Variants in ROBO1 observed in about 807,000 individuals in gnomAD.
ROBO1 encodes roundabout guidance receptor 1.
A neutral mutation model predicts 195.9 loss-of-function variants in ROBO1; 149 were observed. That is an observed-to-expected ratio of 0.76 (90% CI 0.67 to 0.87). The LOEUF is 0.87. Among genes scored for constraint, ROBO1 ranks in the 40% least tolerant of loss-of-function variants. The pLI is 0.00. For synonymous variants in ROBO1, 816 were observed against 733.2 expected (o/e 1.11, Z -1.82); for missense variants, 1,933 against 2,068.3 (o/e 0.93, Z 1.27).
intron 5 of ROBO1, among the ~76,000 whole-genome samples, chr3:78,727,266 T>C (rs1360709273): frequency 1.3e-5 from 2 of 151,932 alleles, no homozygotes; most frequent in Non-Finnish European, 2.9e-5. Context: ...GAAAATACAG[T>C]ATTTCTTATT....
chr3:79,185,469 C>G (rs2081420724), intron 2 of ROBO1, among the ~76,000 whole-genome samples: 1 of 152,092 alleles, frequency 6.6e-6, no homozygotes, highest in African/African-American at 2.4e-5. Flanking sequence ...ATGATTCTTA[C>G]CATCTTTAAT....
intron 2 of ROBO1, among the ~76,000 whole-genome samples, chr3:79,580,564 A>G (rs1334794694): frequency 2.0e-5 from 3 of 152,110 alleles, no homozygotes; most frequent in African/African-American, 7.2e-5. Flanking sequence ...CTTTTAAGAG[A>G]ATAAAAGTTT....
intron 2 of ROBO1, among the ~76,000 whole-genome samples, chr3:79,585,589 T>G (rs943447656): frequency 1.3e-5 from 2 of 151,984 alleles, no homozygotes; most frequent in African/African-American, 4.8e-5. Flanking sequence ...TATCTCCAAA[T>G]AACTTTTTCC....
intron 3 of ROBO1, among the ~76,000 whole-genome samples, chr3:78,947,163 C>A (rs1396495370): frequency 1.3e-5 from 2 of 152,146 alleles, no homozygotes; most frequent in Non-Finnish European, 2.9e-5. Flanking sequence ...CAGCTCTGCA[C>A]CAAGCGGACC....
intron 4 of ROBO1, among the ~76,000 whole-genome samples, chr3:78,908,111 C>T (rs1006231736): frequency 6.6e-6 from 1 of 150,892 alleles, no homozygotes; most frequent in African/African-American, 2.4e-5. Flanking sequence ...AACTGGCCTG[C>T]ATCAACTAAA....
At chr3:79,317,385 T>C (rs1390328437) in intron 2 of ROBO1, among the ~76,000 whole-genome samples, 1 of 151,156 alleles carries the variant, frequency 6.6e-6, no homozygotes, top group Non-Finnish European at 1.5e-5. Flanking sequence ...TGTAGTAATC[T>C]CTTTGCTCAC....
intron 2 of ROBO1, among the ~76,000 whole-genome samples, chr3:79,547,489 T>C (rs895168908): frequency 1.3e-5 from 2 of 152,296 alleles, no homozygotes; most frequent in South Asian, 4.1e-4. Flanking sequence ...CTTCTAGATG[T>C]TGAAAATAAG....
chr3:78,666,169 A>G (rs185927940), intron 14 of ROBO1, among the ~76,000 whole-genome samples: 10 of 151,938 alleles, frequency 6.6e-5, no homozygotes, highest in Admixed American at 2.0e-4. Context: ...CATGATTGTA[A>G]GTTTTCTGAG....
At chr3:78,949,719 C>A (rs557424564) in intron 3 of ROBO1, among the ~76,000 whole-genome samples, 2,766 of 152,144 alleles carry the variant, frequency 0.018, 95 homozygotes, top group African/African-American at 0.063. Context: ...TCAGAGTGAA[C>A]AGGCAACCTA....
chr3:78,832,640 G>A (rs191113130), intron 4 of ROBO1, among the ~76,000 whole-genome samples: 1 of 152,304 alleles, frequency 6.6e-6, no homozygotes, highest in East Asian at 1.9e-4. Flanking sequence ...ACACAAAACT[G>A]AGTAGTAGGT....
In ROBO1 at chr3:78,959,917, T is replaced by C. The variant is rs148232239; in HGVS notation, c.173-20990A>G. Among the ~76,000 whole-genome samples, 424 of 152,298 alleles carry C rather than the reference T, an allele frequency of 2.8e-3. 5 individuals carry two copies. The highest frequency in any genetic ancestry group is 9.4e-3 in the African/African-American group (389 of 41,562). ...GTTGAAAAGGTACAACCAAGGATTA[T>C]TAGTCAAAAGTATATGCTTTTGGGG... On this transcript the variant is annotated intron_variant, in intron 3 of 30. Coordinates refer to ENST00000464233, the MANE Select transcript of ROBO1 (RefSeq NM_002941.4).
At chr3:79,595,091 A>C (rs2107837784) in intron 1 of ROBO1, among the ~76,000 whole-genome samples, 1 of 152,102 alleles carries the variant, frequency 6.6e-6, no homozygotes, top group South Asian at 2.1e-4. Context: ...AATATGTTCT[A>C]TACATATATA....
intron 3 of ROBO1, among the ~76,000 whole-genome samples, chr3:79,040,319 A>T (rs902513038): frequency 1.9e-4 from 29 of 152,192 alleles, no homozygotes; most frequent in African/African-American, 7.0e-4. Flanking sequence ...AAAAATGTTA[A>T]ATCGTCATTG....
intron 2 of ROBO1, among the ~76,000 whole-genome samples, chr3:79,260,522 C>A (rs2082919999): frequency 1.3e-5 from 2 of 152,060 alleles, no homozygotes; most frequent in Admixed American, 1.3e-4. Context: ...ATAAACTTTG[C>A]TTTATAAAGA....
At chr3:79,311,792 A>T (rs2033498080) in intron 2 of ROBO1, among the ~76,000 whole-genome samples, 1 of 152,114 alleles carries the variant, frequency 6.6e-6, no homozygotes, top group South Asian at 2.1e-4. Context: ...GTATGGTCCT[A>T]CCCGATATTT....
intron 22 of ROBO1, among the ~76,000 whole-genome samples, 151 bp from the exon 23 acceptor site, chr3:78,636,259 C>T (rs990492859): frequency 2.6e-5 from 4 of 152,098 alleles, no homozygotes; most frequent in Non-Finnish European, 4.4e-5. Context: ...CAAATATCCA[C>T]ATGTGCTTTC....
intron 2 of ROBO1, among the ~76,000 whole-genome samples, chr3:79,142,437 T>C (rs1460839474): frequency 6.6e-6 from 1 of 152,088 alleles, no homozygotes; most frequent in East Asian, 1.9e-4. Context: ...GGAAGAAGAT[T>C]TGAAGGTATT....
intron 8 of ROBO1, among the ~76,000 whole-genome samples, chr3:78,697,773 A>T (rs1464280157): frequency 1.3e-5 from 2 of 152,290 alleles, no homozygotes; most frequent in African/African-American, 2.4e-5. Context: ...TTTAATTTTT[A>T]AAAAATATAA....
chr3:78,916,965 C>T (rs2038637111), intron 4 of ROBO1, among the ~76,000 whole-genome samples: 1 of 152,086 alleles, frequency 6.6e-6, no homozygotes, highest in Admixed American at 6.6e-5. Flanking sequence ...AAAGAAATGA[C>T]TTAAGCATTA....
Sources: gnomAD v4.1 joint callset for allele counts (sites outside exome capture counted in the v4.1 genomes callset) on GRCh38, gnomAD v4.1.1 for gene constraint, MANE v1.5 for transcripts, NCBI Gene and HGNC (gene_info 2026-07-23, HGNC 2026-07-21) for gene names.